MARCHF1: variants seen among roughly 807,000 people sequenced by gnomAD.
MARCHF1 encodes the protein E3 ubiquitin-protein ligase MARCHF1.
MARCHF1 carries 40 observed loss-of-function variants against 54.2 expected under a neutral mutation model. The observed-to-expected ratio is 0.74, with a 90% CI of 0.57 to 0.96. The LOEUF is 0.96. MARCHF1 is among the 40% of genes least tolerant of loss of function. MARCHF1 has a pLI of 0.00. For missense variants in MARCHF1, 586 were observed against 656.5 expected (o/e 0.89, Z 1.17); for synonymous variants, 236 against 236.3 (o/e 1.00, Z 0.01).
At chr4:164,021,213 G>A (rs2110967973) in intron 2 of MARCHF1, among the ~76,000 whole-genome samples, 1 of 151,920 alleles carries the variant, frequency 6.6e-6, no homozygotes, top group Middle Eastern at 3.2e-3. Flanking sequence ...TTATTTCCTG[G>A]GCTAACTCCT....
At chr4:163,617,410 T>A (rs1318920287) in intron 5 of MARCHF1, among the ~76,000 whole-genome samples, 1 of 152,140 alleles carries the variant, frequency 6.6e-6, no homozygotes, top group Non-Finnish European at 1.5e-5. Context: ...AAATAATAAA[T>A]GTTTGAGGTG....
chr4:164,226,779 C>G (rs1478300378), intron 1 of MARCHF1, among the ~76,000 whole-genome samples: 1 of 152,010 alleles, frequency 6.6e-6, no homozygotes, highest in Non-Finnish European at 1.5e-5. Context: ...CTTCCCACAG[C>G]TCATCCCCAT....
chr4:164,260,214 A>T (rs1161199671), intron 1 of MARCHF1, among the ~76,000 whole-genome samples: 1 of 152,174 alleles, frequency 6.6e-6, no homozygotes, highest in African/African-American at 2.4e-5. Flanking sequence ...AAACACATGC[A>T]TCACTACTAA....
rs115667563 is a variant in MARCHF1, at chr4:163,872,706, T to C, written c.-38-18537A>G. ...ATGTGTGTGCGTGTGTGTATGTGTA[T>C]AGTCATGTATTGTGATATTTTGACA... On this transcript the variant is annotated intron_variant, in intron 3 of 9. Coordinates refer to ENST00000514618, the MANE Select transcript of MARCHF1 (RefSeq NM_001394959.1). 3.5e-3 allele frequency among the ~76,000 whole-genome samples: 535 copies of C among 152,236 alleles called. 6 individuals carry two copies. Among genetic ancestry groups the C allele is most frequent in the African/African-American group, 0.012 (487 of 41,530 alleles).
At chr4:164,036,514 T>G (rs1020123969) in intron 2 of MARCHF1, among the ~76,000 whole-genome samples, 1 of 152,220 alleles carries the variant, frequency 6.6e-6, no homozygotes, top group Non-Finnish European at 1.5e-5. Context: ...ATATTTTACT[T>G]GTAATAAAAA....
At chr4:163,795,191 A>G (rs929810953) in intron 4 of MARCHF1, among the ~76,000 whole-genome samples, 2 of 152,134 alleles carry the variant, frequency 1.3e-5, no homozygotes, top group Non-Finnish European at 2.9e-5. Context: ...GATGCTGCAC[A>G]TCTTTGGTTG....
intron 1 of MARCHF1, among the ~76,000 whole-genome samples, chr4:164,230,756 T>A (rs1560964529): frequency 6.6e-6 from 1 of 152,136 alleles, no homozygotes. Context: ...TGAGTTGTTT[T>A]GAGTTACTAA....
chr4:163,767,098 TAAAAA>T (rs530799338), intron 4 of MARCHF1, among the ~76,000 whole-genome samples: 10 of 106,670 alleles, frequency 9.4e-5, no homozygotes, highest in African/African-American at 3.2e-4. Context: ...TACGGCGATG[TAAAAA>T]AAAAAAAAAA....
At chr4:163,690,533 T>C (rs1744414299) in intron 5 of MARCHF1, among the ~76,000 whole-genome samples, 1 of 152,162 alleles carries the variant, frequency 6.6e-6, no homozygotes. Flanking sequence ...CATCCAAACA[T>C]TGTTCACATA....
chr4:163,652,241 C>T (rs1211895492), intron 5 of MARCHF1, among the ~76,000 whole-genome samples: 1 of 151,846 alleles, frequency 6.6e-6, no homozygotes, highest in Non-Finnish European at 1.5e-5. Flanking sequence ...CTGACATTAT[C>T]TCAACAGATG....
At chr4:163,801,627 G>A (rs1748083399) in intron 4 of MARCHF1, among the ~76,000 whole-genome samples, 1 of 151,984 alleles carries the variant, frequency 6.6e-6, no homozygotes, top group African/African-American at 2.4e-5. Context: ...TGTGCACCCA[G>A]ATTAAAATAT....
chr4:163,631,580 C>T (rs1220806264), intron 5 of MARCHF1, among the ~76,000 whole-genome samples: 4 of 150,214 alleles, frequency 2.7e-5, no homozygotes, highest in African/African-American at 9.7e-5. Flanking sequence ...TTTAGAAAAC[C>T]TATCTGTATA....
intron 2 of MARCHF1, among the ~76,000 whole-genome samples, chr4:164,088,539 A>G (rs1755236020): frequency 6.6e-6 from 1 of 152,034 alleles, no homozygotes; most frequent in South Asian, 2.1e-4. Flanking sequence ...GGAGTCTGAG[A>G]CCAGCCTGGG....
chr4:163,798,847 G>C (rs920532806), intron 4 of MARCHF1, among the ~76,000 whole-genome samples: 1 of 152,030 alleles, frequency 6.6e-6, no homozygotes, highest in Non-Finnish European at 1.5e-5. Flanking sequence ...TCCCTAAGAG[G>C]ATCAGTAATG....
chr4:163,807,770 T>C (rs1748266193), intron 4 of MARCHF1, among the ~76,000 whole-genome samples: 1 of 151,394 alleles, frequency 6.6e-6, no homozygotes, highest in Non-Finnish European at 1.5e-5. Flanking sequence ...CCCCCAAATA[T>C]GGTGGTAAAT....
intron 1 of MARCHF1, among the ~76,000 whole-genome samples, chr4:164,176,976 CTCTCT>C (rs1730698746): frequency 1.5e-4 from 5 of 32,858 alleles, no homozygotes; most frequent in African/African-American, 4.9e-4. Flanking sequence ...CTCTCTCTCT[CTCTCT>C]ATATATATAT....
At chr4:163,568,415 T>G (rs1236543261) in intron 8 of MARCHF1, among the ~76,000 whole-genome samples, 2 of 152,160 alleles carry the variant, frequency 1.3e-5, no homozygotes, top group Non-Finnish European at 2.9e-5. Flanking sequence ...AGTCACTTGA[T>G]AAGTGCCTTT....
At chr4:163,979,676 A>G (rs2110863450) in intron 3 of MARCHF1, among the ~76,000 whole-genome samples, 1 of 152,128 alleles carries the variant, frequency 6.6e-6, no homozygotes, top group South Asian at 2.1e-4. Context: ...CATCCTCTCC[A>G]GCACCTGTTG....
chr4:163,798,827 A>G (rs1037482222), intron 4 of MARCHF1, among the ~76,000 whole-genome samples: 25 of 152,158 alleles, frequency 1.6e-4, no homozygotes, highest in Non-Finnish European at 5.9e-5. Context: ...TAGTACAAAG[A>G]GTAGGCACAT....
Sources: allele counts gnomAD v4.1 joint callset (sites outside exome capture counted in the v4.1 genomes callset), GRCh38; gene constraint gnomAD v4.1.1; transcripts MANE v1.5; gene names NCBI Gene and HGNC (gene_info 2026-07-23, HGNC 2026-07-21).